Variants in ZRANB3 observed in about 807,000 individuals in gnomAD.
ZRANB3 encodes zinc finger RANBP2-type containing 3.
A neutral mutation model predicts 133.8 loss-of-function variants in ZRANB3; 125 were observed. The observed-to-expected ratio is 0.93, with a 90% CI of 0.81 to 1.08. ZRANB3 has a LOEUF of 1.08. Ranked by LOEUF, ZRANB3 falls within the 50% of genes least tolerant of loss-of-function variation. ZRANB3 has a pLI of 0.00. For missense variants in ZRANB3, 1,229 were observed against 1,275.5 expected, an observed-to-expected ratio of 0.96 and a Z score of 0.56; for synonymous variants, 387 against 432.7, an observed-to-expected ratio of 0.89 and a Z score of 1.31.
At chr2:135,322,292 A>G (rs1028829761) in intron 6 of ZRANB3, among the ~76,000 whole-genome samples, 1 of 152,144 alleles carries the variant, frequency 6.6e-6, no homozygotes, top group Non-Finnish European at 1.5e-5. Context: ...TTCTTTTTCA[A>G]AGTTCTTTTA....
At chr2:135,505,186 C>T (rs1693120008) in intron 1 of ZRANB3, among the ~76,000 whole-genome samples, 1 of 151,972 alleles carries the variant, frequency 6.6e-6, no homozygotes, top group South Asian at 2.1e-4. Context: ...AAGAAAATGT[C>T]CTATTATACA....
intron 14 of ZRANB3, among the ~76,000 whole-genome samples, chr2:135,227,385 TAA>T (rs1008229757): frequency 5.9e-5 from 9 of 152,378 alleles, no homozygotes; most frequent in Non-Finnish European, 1.2e-4. Context: ...AATACTTTTT[TAA>T]AAATATGCCA....
chr2:135,527,942 G>A (rs1330325214), intron 1 of ZRANB3, among the ~76,000 whole-genome samples: 1 of 152,164 alleles, frequency 6.6e-6, no homozygotes, highest in Admixed American at 6.5e-5. Flanking sequence ...GCTTACAAGA[G>A]GAAGTGACTG....
At chr2:135,524,953 T>TTTTTTAA (rs1322481952) in intron 1 of ZRANB3, among the ~76,000 whole-genome samples, 1 of 152,050 alleles carries the variant, frequency 6.6e-6, no homozygotes, top group African/African-American at 2.4e-5. Flanking sequence ...AGATATATAA[T>TTTTTTAA]TTTTTTACTA....
At chr2:135,295,476 C>T (rs1224536946) in intron 8 of ZRANB3, among the ~76,000 whole-genome samples, 2 of 152,126 alleles carry the variant, frequency 1.3e-5, no homozygotes, top group Non-Finnish European at 2.9e-5. Flanking sequence ...TGTGTCTCTG[C>T]ACATGAGATG....
chr2:135,308,503 G>T (rs572045803), intron 8 of ZRANB3, among the ~76,000 whole-genome samples: 1 of 152,318 alleles, frequency 6.6e-6, no homozygotes, highest in South Asian at 2.1e-4. Context: ...TGGAAATAAA[G>T]CCTGTGAGTG....
chr2:135,378,077 C>T (rs886662218), intron 3 of ZRANB3, among the ~76,000 whole-genome samples: 3 of 152,226 alleles, frequency 2.0e-5, no homozygotes, highest in African/African-American at 7.2e-5. Context: ...CCTCAGCCTG[C>T]TGATGGCCCA....
intron 2 of ZRANB3, among the ~76,000 whole-genome samples, chr2:135,484,511 T>G (rs752706974): frequency 6.6e-6 from 1 of 151,956 alleles, no homozygotes; most frequent in Non-Finnish European, 1.5e-5. Context: ...GACATAAATA[T>G]GAATTAATAA....
chr2:135,415,943 T>C (rs1323112516), intron 2 of ZRANB3, among the ~76,000 whole-genome samples: 1 of 151,996 alleles, frequency 6.6e-6, no homozygotes, highest in Non-Finnish European at 1.5e-5. Flanking sequence ...AATTAGGTAT[T>C]GATGGGACGT....
At chr2:135,319,203 T>G (rs1404551543) in intron 6 of ZRANB3, among the ~76,000 whole-genome samples, 5 of 151,318 alleles carry the variant, frequency 3.3e-5, no homozygotes, top group Admixed American at 2.6e-4. Flanking sequence ...AGTACAAATA[T>G]GAGTCTATAA....
At chr2:135,339,103 C>T (rs930827961) in intron 6 of ZRANB3, among the ~76,000 whole-genome samples, 3 of 151,868 alleles carry the variant, frequency 2.0e-5, no homozygotes, top group Admixed American at 6.6e-5. Context: ...ACTGACACCC[C>T]GTATCTACAA....
chr2:135,246,882 A>G (rs1695824747), intron 12 of ZRANB3, among the ~76,000 whole-genome samples: 1 of 152,232 alleles, frequency 6.6e-6, no homozygotes, highest in South Asian at 2.1e-4. Flanking sequence ...TTTTCACCAT[A>G]GCAAACTACT....
chr2:135,373,644 TG>T (rs1319252327), intron 3 of ZRANB3, among the ~76,000 whole-genome samples: 3 of 151,262 alleles, frequency 2.0e-5, no homozygotes, highest in Admixed American at 2.0e-4. Context: ...AAAAATTAGC[TG>T]GGTGTAATGG....
chr2:135,282,471 G>C (rs1053734968), intron 8 of ZRANB3, among the ~76,000 whole-genome samples: 2 of 152,110 alleles, frequency 1.3e-5, no homozygotes, highest in African/African-American at 4.8e-5. Flanking sequence ...TAATGTCAGG[G>C]CTTTGAACAT....
intron 3 of ZRANB3, among the ~76,000 whole-genome samples, chr2:135,390,542 C>A (rs1687176995): frequency 6.6e-6 from 1 of 152,054 alleles, no homozygotes; most frequent in Admixed American, 6.6e-5. Context: ...CTCATTCATG[C>A]ATCCTAGGTA....
At chr2:135,373,472 A>G (rs1032714812) in intron 3 of ZRANB3, among the ~76,000 whole-genome samples, 7 of 152,154 alleles carry the variant, frequency 4.6e-5, no homozygotes, top group African/African-American at 1.4e-4. Flanking sequence ...AGAAAGAACT[A>G]CACAGAAATA....
At chr2:135,323,541 A>G (rs1390083489) in intron 6 of ZRANB3, among the ~76,000 whole-genome samples, 2 of 152,210 alleles carry the variant, frequency 1.3e-5, no homozygotes, top group Non-Finnish European at 1.5e-5. Context: ...CTGAACTATC[A>G]AAGTGCTCTG....
At chr2:135,375,073 C>T (rs891823416) in intron 3 of ZRANB3, among the ~76,000 whole-genome samples, 7 of 152,150 alleles carry the variant, frequency 4.6e-5, no homozygotes, top group South Asian at 2.1e-4. Context: ...GCAGAGCAAG[C>T]GGAACTCTCT....
chr2:135,288,019 G>C (rs1293694501), intron 8 of ZRANB3, among the ~76,000 whole-genome samples: 2 of 152,012 alleles, frequency 1.3e-5, no homozygotes, highest in Non-Finnish European at 2.9e-5. Context: ...CCAGTTCTCA[G>C]GGGGGAATGC....
Sources: allele counts gnomAD v4.1 joint callset (sites outside exome capture counted in the v4.1 genomes callset), GRCh38; gene constraint gnomAD v4.1.1; transcripts MANE v1.5; gene names NCBI Gene and HGNC (gene_info 2026-07-23, HGNC 2026-07-21).